Variants in ZNF415 observed in about 807,000 individuals in gnomAD.
ZNF415 encodes zinc finger protein 415.
A neutral mutation model predicts 7.3 loss-of-function variants in ZNF415; 5 were observed. The ratio of observed to expected loss-of-function variants is 0.69; its 90% CI spans 0.36 to 1.44. The LOEUF is 1.44. Among genes scored for constraint, ZNF415 ranks in the 40% most tolerant of loss-of-function variants. ZNF415 has a pLI of 0.04. For synonymous variants in ZNF415, 207 were observed against 226.3 expected, an observed-to-expected ratio of 0.91 and a Z score of 0.77; for missense variants, 628 against 664.8, an observed-to-expected ratio of 0.94 and a Z score of 0.61.
intron 1 of ZNF415, among the ~76,000 whole-genome samples, chr19:53,126,018 CAAA>C (rs58522981): frequency 1.4e-4 from 16 of 111,306 alleles, no homozygotes; most frequent in Admixed American, 2.5e-4. Context: ...CTGGTGTAGA[CAAA>C]AAAAAAAAAA....
chr19:53,131,793 C>T (rs2146745747), intron 1 of ZNF415, among the ~76,000 whole-genome samples: 1 of 152,162 alleles, frequency 6.6e-6, no homozygotes, highest in South Asian at 2.1e-4. Context: ...TCTTTCTTCC[C>T]CATTTCAGCA....
At chr19:53,120,907 A>AGTTGGAG in intron 2 of ZNF415, among the ~76,000 whole-genome samples, 2 of 151,578 alleles carry the variant, frequency 1.3e-5, no homozygotes, top group East Asian at 3.9e-4. Context: ...TACACGGTGA[A>AGTTGGAG]ACCCCGTCTC....
Position 53,109,600 on chromosome 19 carries a change from C to T in ZNF415, c.445G>A (p.Glu149Lys), listed in dbSNP as rs754309535. 3.1e-6 allele frequency: 5 copies of T among 1,614,116 alleles called. No homozygotes were observed. Among genetic ancestry groups the T allele is most frequent in the Non-Finnish European group, 4.2e-6 (5 of 1,180,016 alleles). ...LGLSFLPHPH[E>K]LQQFQAEGKI... ...CCTTCAGCTTGAAACTGCTGCAGTT[C>T]ATGGGGATGTGGTAGAAAGCTTAAT... Residue 149 changes from glutamate (E) to lysine (K), a missense_variant, in exon 4 of 4, where the codon GAA (glutamate) becomes AAA (lysine). Coordinates refer to ENST00000243643, the MANE Select transcript of ZNF415 (RefSeq NM_018355.4).
At chr19:53,115,307 CCTGGG>C (rs2086846774) in intron 3 of ZNF415, 12 of 189,684 alleles carry the variant, frequency 6.3e-5, no homozygotes, top group Admixed American at 4.4e-4. Flanking sequence ...TGCACTCCAG[CCTGGG>C]CAATAAGAGC....
chr19:53,121,454 G>A (rs1601200527), intron 2 of ZNF415, among the ~76,000 whole-genome samples: 2 of 151,394 alleles, frequency 1.3e-5, no homozygotes, highest in African/African-American at 4.9e-5. Context: ...ACAGAGTCTC[G>A]CCCTGTCACC....
At chr19:53,114,351 A>G (rs2086684743) in intron 3 of ZNF415, among the ~76,000 whole-genome samples, 1 of 152,060 alleles carries the variant, frequency 6.6e-6, no homozygotes, top group African/African-American at 2.4e-5. Context: ...TAACTTTTGT[A>G]TTTTTAGTAG....
At chr19:53,121,262 G>A (rs2087988351) in intron 2 of ZNF415, among the ~76,000 whole-genome samples, 1 of 150,164 alleles carries the variant, frequency 6.7e-6, no homozygotes, top group South Asian at 2.1e-4. Context: ...GCGGGTGCCT[G>A]TAGTCTCAGC....
chr19:53,112,254 T>C (rs2086347222), intron 3 of ZNF415, among the ~76,000 whole-genome samples: 1 of 152,030 alleles, frequency 6.6e-6, no homozygotes, highest in Non-Finnish European at 1.5e-5. Flanking sequence ...ATCAGACGTG[T>C]TTTTAAGCAC....
chr19:53,108,693 A>G lies in ZNF415; in HGVS notation c.1352T>C (p.Val451Ala). ...KCNECGKAFSVHSNLTTHQVI... is the reference protein window; with the variant it reads ...KCNECGKAFSAHSNLTTHQVI... ...CTGATGGGTAGTTAAGTTCGAATGCACACTAAAGGCTTTCCCACACTCATT... is the reference window on the plus strand; with the variant it reads ...CTGATGGGTAGTTAAGTTCGAATGCGCACTAAAGGCTTTCCCACACTCATT... Residue 451 changes from valine (V) to alanine (A), a missense_variant, in exon 4 of 4, where the codon GTG becomes GCG. By Grantham distance (64) the Val-to-Ala change is moderately conservative. Transcript: ENST00000243643. 1 of 1,614,174 alleles carries G rather than the reference A, an allele frequency of 6.2e-7. No individual in the cohort carries two copies. The highest frequency in any genetic ancestry group is 8.5e-7 in the Non-Finnish European group (1 of 1,180,042).
intron 2 of ZNF415, among the ~76,000 whole-genome samples, chr19:53,119,885 ATT>A (rs2087704067): frequency 6.6e-6 from 1 of 152,082 alleles, no homozygotes; most frequent in African/African-American, 2.4e-5. Flanking sequence ...CAATAATGAA[ATT>A]TAATCAGGAA....
At chr19:53,127,554 T>G (rs2089359682) in intron 1 of ZNF415, among the ~76,000 whole-genome samples, 1 of 152,122 alleles carries the variant, frequency 6.6e-6, no homozygotes. Context: ...CACTCCAAAC[T>G]GTTATTTCTA....
intron 1 of ZNF415, 88 bp from the exon 2 acceptor site, chr19:53,122,831 T>C (rs2088352777): frequency 9.5e-7 from 1 of 1,049,788 alleles, no homozygotes; most frequent in South Asian, 1.5e-5. Flanking sequence ...AGGGAGGAGC[T>C]CGCCCTGTGC....
intron 2 of ZNF415, 52 bp downstream of exon 2, chr19:53,122,610 C>T (rs1601223523): frequency 1.9e-6 from 3 of 1,613,314 alleles, no homozygotes; most frequent in East Asian, 4.5e-5. Context: ...CATTGTCTCC[C>T]ACCTTTCTGA....
At chr19:53,110,723 C>T (rs2086101134) in intron 3 of ZNF415, among the ~76,000 whole-genome samples, 1 of 152,218 alleles carries the variant, frequency 6.6e-6, no homozygotes, top group Non-Finnish European at 1.5e-5. Flanking sequence ...AGAACCAGCA[C>T]ACAACCTGTG....
chr19:53,116,751 A>T (rs2087119013), intron 2 of ZNF415, among the ~76,000 whole-genome samples: 2 of 152,038 alleles, frequency 1.3e-5, no homozygotes, highest in Admixed American at 1.3e-4. Flanking sequence ...AAGTAGCTGG[A>T]CTATAGGCAT....
Position 53,116,385 on chromosome 19 carries a change from A to G in ZNF415, c.64T>C (p.Cys22Arg). 6.2e-7 allele frequency: 1 copy of G among 1,614,020 alleles called. No individual in the cohort carries two copies. The highest frequency in any genetic ancestry group is 8.5e-7 in the Non-Finnish European group (1 of 1,179,984). The change falls in exon 3 of 4, where the codon TGC (cysteine) becomes CGC (arginine). Residue 22 changes from cysteine (C) to arginine (R), a missense_variant. Cys to Arg is a radical substitution (Grantham distance 180). Coordinates refer to ENST00000243643, the MANE Select transcript of ZNF415 (RefSeq NM_018355.4). ...AIEFSQDEWK[C>R]LNSTQRTLYR... ...AAAGTCCTCTGTGTAGAGTTCAGGCATTTCCACTCATCTTGAGAGAATTCG... is the reference window on the plus strand; with the variant it reads ...AAAGTCCTCTGTGTAGAGTTCAGGCGTTTCCACTCATCTTGAGAGAATTCG...
At position 53,113,325 on chromosome 19, in the gene ZNF415, G is replaced by A. The variant is rs1358644920; in HGVS notation, c.136+2988C>T. ...AGATCGAGACCATCCTGGCTAACAC[G>A]GTGAAACCCCGTCTCTACTAAAAAT... is the stretch of plus-strand genomic sequence containing the variant. On this transcript the variant is annotated intron_variant, in intron 3 of 3. Coordinates refer to ENST00000243643, the MANE Select transcript of ZNF415 (RefSeq NM_018355.4). Among the ~76,000 whole-genome samples, 2 of 40,222 alleles carry A rather than the reference G, an allele frequency of 5.0e-5. 1 individual carries two copies. Among genetic ancestry groups the A allele is most frequent in the African/African-American group, 1.8e-4 (2 of 11,008 alleles). 26.4% of individuals were successfully genotyped at this position (40,222 alleles called of 152,430 possible).
intron 1 of ZNF415, among the ~76,000 whole-genome samples, chr19:53,130,598 G>A (rs1247332579): frequency 1.3e-5 from 2 of 152,032 alleles, no homozygotes; most frequent in Admixed American, 1.3e-4. Flanking sequence ...TACATGAGAT[G>A]AAAGGGAATT....
rs1017541098 is a variant in ZNF415 at position 53,108,878 on chromosome 19, A to G, written c.1167T>C (p.Cys389=). Residue 389 remains cysteine, a synonymous_variant, in exon 4 of 4, where the codon TGT becomes TGC. Transcript: ENST00000243643. ...TTGAAGTCTGACTGAAGACTTTACC[A>G]CATTCATTACACTTGTATGGTTTCT... The part of the protein sequence containing the change: ...TGEKPYKCNE[C]GKVFSQTSSL... 4 of 1,614,082 alleles carry G rather than the reference A, an allele frequency of 2.5e-6. 1 individual carries two copies. The Admixed American group carries it at 5.0e-5, about 20-fold the overall frequency.
Sources: gnomAD v4.1 joint callset for allele counts (sites outside exome capture counted in the v4.1 genomes callset) on GRCh38, gnomAD v4.1.1 for gene constraint, MANE v1.5 for transcripts, NCBI Gene and HGNC (gene_info 2026-07-23, HGNC 2026-07-21) for gene names.